Variants in ST6GALNAC3 observed in about 807,000 individuals in gnomAD.
ST6GALNAC3 encodes the protein ST6 N-acetylgalactosaminide alpha-2,6-sialyltransferase 3.
In ST6GALNAC3, 25 loss-of-function variants were observed where a neutral mutation model predicts 32.7. The observed-to-expected ratio is 0.76, with a 90% CI of 0.56 to 1.07. The LOEUF (loss-of-function observed/expected upper bound fraction) is 1.07, where lower values mean the gene tolerates loss of function less well. Ranked by LOEUF, ST6GALNAC3 falls within the 50% of genes least tolerant of loss-of-function variation. The pLI, the probability that ST6GALNAC3 is intolerant of heterozygous loss-of-function variation, is 0.00. For synonymous variants in ST6GALNAC3, 129 were observed against 133.1 expected (o/e 0.97, Z 0.21); for missense variants, 355 against 382.4 (o/e 0.93, Z 0.60).
chr1:76,074,966 C>T lies in ST6GALNAC3; in HGVS notation c.18+82C>T, dbSNP rs1646792638. ...AGGCACGGAGTCAGCCGCGGTCCCA[C>T]CGCATCCTCATCTCAGTTGTCTTTT... On this transcript the variant is annotated intron_variant, in intron 1 of 4. Transcript: ENST00000328299. 4 of 1,509,992 alleles carry T rather than the reference C, an allele frequency of 2.6e-6. No homozygotes were observed. The Admixed American group carries it at 6.0e-5, about 23-fold the overall frequency. The allele number at this position is 1,509,992 out of a possible 1,614,324, so 93.5% of individuals were successfully genotyped here.
intron 3 of ST6GALNAC3, among the ~76,000 whole-genome samples, chr1:76,548,080 T>G (rs1227047203): frequency 6.6e-6 from 1 of 152,126 alleles, no homozygotes; most frequent in Non-Finnish European, 1.5e-5. Flanking sequence ...ATAGTGCCAT[T>G]GTTAAGCTCC....
chr1:76,579,333 C>G (rs1431867826), intron 3 of ST6GALNAC3, among the ~76,000 whole-genome samples: 1 of 151,916 alleles, frequency 6.6e-6, no homozygotes, highest in Non-Finnish European at 1.5e-5. Flanking sequence ...CTTCTCCCAC[C>G]TGTTTTTTTT....
intron 1 of ST6GALNAC3, among the ~76,000 whole-genome samples, chr1:76,270,762 T>C (rs1314077825): frequency 6.6e-6 from 1 of 152,092 alleles, no homozygotes; most frequent in African/African-American, 2.4e-5. Context: ...ATGTCCATCC[T>C]CAGTAAGACG....
At chr1:76,396,966 A>G (rs994507964) in intron 2 of ST6GALNAC3, among the ~76,000 whole-genome samples, 6 of 152,188 alleles carry the variant, frequency 3.9e-5, no homozygotes, top group Non-Finnish European at 7.3e-5. Flanking sequence ...AGTTATAGGG[A>G]CGAAGCATTT....
intron 1 of ST6GALNAC3, among the ~76,000 whole-genome samples, chr1:76,234,206 T>C (rs1319558760): frequency 2.6e-5 from 4 of 152,152 alleles, no homozygotes; most frequent in Non-Finnish European, 4.4e-5. Flanking sequence ...CCATGTGCTT[T>C]ACTGCTTCCC....
chr1:76,435,052 A>G (rs1365703481), intron 3 of ST6GALNAC3, among the ~76,000 whole-genome samples: 1 of 151,886 alleles, frequency 6.6e-6, no homozygotes, highest in Non-Finnish European at 1.5e-5. Context: ...TGGCCTCCCA[A>G]AGTGCTGGGA....
At chr1:76,281,284 A>T (rs1296071853) in intron 1 of ST6GALNAC3, among the ~76,000 whole-genome samples, 1 of 152,232 alleles carries the variant, frequency 6.6e-6, no homozygotes, top group African/African-American at 2.4e-5. Context: ...AGGAAAAAAT[A>T]ACATTAAACA....
chr1:76,124,816 A>T (rs937452325), intron 1 of ST6GALNAC3, among the ~76,000 whole-genome samples: 1 of 152,096 alleles, frequency 6.6e-6, no homozygotes, highest in African/African-American at 2.4e-5. Flanking sequence ...ATTAATCTTC[A>T]TTGTCCAATA....
intron 2 of ST6GALNAC3, among the ~76,000 whole-genome samples, chr1:76,390,427 A>G (rs1026609596): frequency 6.6e-6 from 1 of 152,214 alleles, no homozygotes; most frequent in African/African-American, 2.4e-5. Context: ...AAAAATTATT[A>G]ACTACCAAAC....
chr1:76,104,519 G>C (rs1163793397), intron 1 of ST6GALNAC3, among the ~76,000 whole-genome samples: 1 of 151,606 alleles, frequency 6.6e-6, no homozygotes, highest in Non-Finnish European at 1.5e-5. Flanking sequence ...TTATTTCCTT[G>C]GCTCCTCAAT....
intron 3 of ST6GALNAC3, among the ~76,000 whole-genome samples, chr1:76,424,138 T>C (rs1655214516): frequency 6.6e-6 from 1 of 152,030 alleles, no homozygotes; most frequent in African/African-American, 2.4e-5. Flanking sequence ...CAGTTGGTTT[T>C]ATTTAGGAGT....
At chr1:76,258,464 A>G (rs1658042748) in intron 1 of ST6GALNAC3, among the ~76,000 whole-genome samples, 2 of 152,184 alleles carry the variant, frequency 1.3e-5, no homozygotes, top group Admixed American at 6.5e-5. Flanking sequence ...TTATATCCAG[A>G]TGATAATTCC....
chr1:76,342,464 T>C (rs1163715438), intron 2 of ST6GALNAC3, among the ~76,000 whole-genome samples: 1 of 152,192 alleles, frequency 6.6e-6, no homozygotes, highest in African/African-American at 2.4e-5. Flanking sequence ...TGACCAGTGA[T>C]CATGAGCTTT....
At chr1:76,389,865 T>G (rs1438005316) in intron 2 of ST6GALNAC3, among the ~76,000 whole-genome samples, 1 of 152,218 alleles carries the variant, frequency 6.6e-6, no homozygotes, top group Non-Finnish European at 1.5e-5. Flanking sequence ...CATCCTAATA[T>G]ATTTGTTTTC....
intron 3 of ST6GALNAC3, among the ~76,000 whole-genome samples, chr1:76,559,363 C>T (rs755200240): frequency 6.6e-6 from 1 of 152,134 alleles, no homozygotes; most frequent in African/African-American, 2.4e-5. Context: ...TCACACAACC[C>T]TCCAAAATTA....
intron 1 of ST6GALNAC3, among the ~76,000 whole-genome samples, chr1:76,094,919 C>G (rs961730468): frequency 6.6e-6 from 1 of 151,580 alleles, no homozygotes; most frequent in Non-Finnish European, 1.5e-5. Flanking sequence ...GCTACTTGAC[C>G]ATCACTCAAC....
intron 1 of ST6GALNAC3, among the ~76,000 whole-genome samples, chr1:76,201,600 A>C (rs1654521838): frequency 6.6e-6 from 1 of 152,280 alleles, no homozygotes; most frequent in East Asian, 1.9e-4. Flanking sequence ...AAAAAAAATA[A>C]TAGCTTCCCT....
chr1:76,196,386 A>T (rs1654203230), intron 1 of ST6GALNAC3, among the ~76,000 whole-genome samples: 1 of 152,178 alleles, frequency 6.6e-6, no homozygotes, highest in African/African-American at 2.4e-5. Flanking sequence ...AAGAAACTGA[A>T]TCACAGGAAT....
chr1:76,623,305 A>G (rs555154185), intron 3 of ST6GALNAC3, among the ~76,000 whole-genome samples: 1 of 152,104 alleles, frequency 6.6e-6, no homozygotes, highest in Admixed American at 6.6e-5. Context: ...CAGGGTGCAG[A>G]GCCTGACCGG....
Sources: allele counts gnomAD v4.1 joint callset (sites outside exome capture counted in the v4.1 genomes callset), GRCh38; gene constraint gnomAD v4.1.1; transcripts MANE v1.5; gene names NCBI Gene and HGNC (gene_info 2026-07-23, HGNC 2026-07-21).